FLACC1: variants seen among roughly 807,000 people sequenced by gnomAD.
The protein encoded by FLACC1 is flagellum-associated coiled-coil domain-containing protein 1.
Under a neutral mutation model 62.8 loss-of-function variants are expected in FLACC1, and 66 were observed. The observed-to-expected ratio is 1.05, with a 90% CI of 0.86 to 1.29. The LOEUF (loss-of-function observed/expected upper bound fraction) is 1.29. Ranked by LOEUF, FLACC1 falls within the 50% of genes most tolerant of loss-of-function variation. The pLI, the probability that FLACC1 is intolerant of heterozygous loss-of-function variation, is 0.00. For synonymous variants in FLACC1, 156 were observed against 161.0 expected (o/e 0.97, Z 0.24); for missense variants, 452 against 489.1 (o/e 0.92, Z 0.71).
intron 2 of FLACC1, 48 bp downstream of exon 2, chr2:201,351,244 A>G (rs751797907): frequency 6.8e-7 from 1 of 1,460,578 alleles, no homozygotes; most frequent in Non-Finnish European, 9.5e-7. Flanking sequence ...TGAGGCTACA[A>G]ATGGATCCCA....
chr2:201,321,315 G>C (rs1371926059), intron 9 of FLACC1, among the ~76,000 whole-genome samples: 1 of 152,154 alleles, frequency 6.6e-6, no homozygotes, highest in African/African-American at 2.4e-5. Context: ...CTGATCCTAG[G>C]GGAACAGGGA....
rs866652465 is a variant in FLACC1 at position 201,346,777 on chromosome 2, T to C, written c.235-102A>G. On this transcript the variant is annotated intron_variant, in intron 4 of 14. Coordinates refer to ENST00000392257, the MANE Select transcript of FLACC1 (RefSeq NM_001127391.3). The surrounding 1 kb of genome is among the most constrained non-coding windows in gnomAD (Gnocchi z 4.0). Reference sequence around the variant, plus strand: ...CACTCACATCTTAAAAACAGGGACCTGGGACTCCACAGCCCAAGCCCTTCT... The same window carrying C: ...CACTCACATCTTAAAAACAGGGACCCGGGACTCCACAGCCCAAGCCCTTCT... 5.5e-6 allele frequency: 8 copies of C among 1,461,010 alleles called. No homozygotes were observed. In the Middle Eastern group the frequency reaches 7.1e-4, roughly 129 times the overall value. 90.5% of individuals were successfully genotyped at this position (1,461,010 alleles called of 1,614,324 possible). A position where few individuals can be genotyped will look rare whatever the true frequency, so the allele number is the denominator to read the frequency against.
chr2:201,350,860 C>T (rs1951014713), intron 2 of FLACC1, 78 bp from the exon 3 acceptor site: 1 of 1,318,130 alleles, frequency 7.6e-7, no homozygotes, highest in Non-Finnish European at 1.1e-6. Context: ...AGATTAAGTA[C>T]ATCCCTATAG....
chr2:201,333,625 A>G (rs919787425), intron 7 of FLACC1, among the ~76,000 whole-genome samples: 1 of 137,376 alleles, frequency 7.3e-6, no homozygotes, highest in African/African-American at 2.7e-5. Flanking sequence ...TCGTTGTTCA[A>G]TTCCCACCTA....
chr2:201,329,363 A>C (rs1950549913), intron 9 of FLACC1, among the ~76,000 whole-genome samples: 1 of 152,252 alleles, frequency 6.6e-6, no homozygotes, highest in African/African-American at 2.4e-5. Flanking sequence ...AAATTAGTTC[A>C]TTGCCGGTGG....
chr2:201,347,428 C>G (rs183920109), intron 4 of FLACC1, among the ~76,000 whole-genome samples: 215 of 152,330 alleles, frequency 1.4e-3, no homozygotes, highest in Non-Finnish European at 2.7e-3. Context: ...TTGCTCCCCC[C>G]ACAGTTCATC....
rs534272352 is a variant in FLACC1 at position 201,308,735 on chromosome 2, C to T, written c.775+416G>A. On this transcript the variant is annotated intron_variant, in intron 10 of 14. Coordinates refer to ENST00000392257, the MANE Select transcript of FLACC1 (RefSeq NM_001127391.3). ...GAAGACGTGGGAATATAGAAGCTCT[C>T]AGTATAATGGATTGTGTTGTTCCTA... 7.9e-5 allele frequency among the ~76,000 whole-genome samples: 12 copies of T among 152,292 alleles called. No individual in the cohort carries two copies. In the South Asian group the frequency reaches 1.0e-3, roughly 13 times the overall value.
Position 201,351,550 on chromosome 2 carries a change from G to A in FLACC1, c.-47-99C>T, listed in dbSNP as rs1353614016. Reference sequence around the variant, plus strand: ...ACCCAGGGAGGACCCAAAGAACAATGGTAGATTCCAGAAGCTGTTGATCTG... The same window carrying A: ...ACCCAGGGAGGACCCAAAGAACAATAGTAGATTCCAGAAGCTGTTGATCTG... On this transcript the variant is annotated intron_variant, in intron 1 of 14. Coordinates refer to ENST00000392257, the MANE Select transcript of FLACC1 (RefSeq NM_001127391.3). 9 of 638,218 alleles carry A rather than the reference G, an allele frequency of 1.4e-5. No individual in the cohort carries two copies. The Admixed American group carries it at 2.5e-4, about 18-fold the overall frequency. The allele number at this position is 638,218 out of a possible 1,614,324, so 39.5% of individuals were successfully genotyped here.
intron 12 of FLACC1, among the ~76,000 whole-genome samples, chr2:201,292,400 C>A (rs1949757069): frequency 6.6e-6 from 1 of 152,152 alleles, no homozygotes; most frequent in South Asian, 2.1e-4. Context: ...GAATTTTCAA[C>A]CCAGAATTTC....
At chr2:201,352,787 C>T (rs1055483113) in intron 1 of FLACC1, among the ~76,000 whole-genome samples, 1 of 152,164 alleles carries the variant, frequency 6.6e-6, no homozygotes, top group African/African-American at 2.4e-5. Context: ...TGTTACCTTA[C>T]ATGGCAAAAG....
intron 9 of FLACC1, among the ~76,000 whole-genome samples, chr2:201,311,179 G>A (rs12622439): frequency 0.34 from 50,690 of 150,988 alleles, 10,054 homozygotes; most frequent in East Asian, 0.48. Context: ...AAAAATCCTG[G>A]GACCAGAAAG....
upstream of FLACC1, among the ~76,000 whole-genome samples, chr2:201,358,184 C>T (rs181586886): frequency 8.5e-5 from 13 of 152,252 alleles, no homozygotes; most frequent in African/African-American, 2.9e-4. Context: ...AACTTAGAGA[C>T]CAATGAGAAA....
At chr2:201,340,525 ATT>A (rs1344084608) in intron 7 of FLACC1, among the ~76,000 whole-genome samples, 3 of 152,180 alleles carry the variant, frequency 2.0e-5, no homozygotes, top group Admixed American at 2.0e-4. Context: ...CCTCCCTAAC[ATT>A]TTGTTTTTGA....
At chr2:201,289,955 T>A in intron 12 of FLACC1, 170 bp from the exon 13 acceptor site, 1 of 1,189,404 alleles carries the variant, frequency 8.4e-7, no homozygotes, top group East Asian at 2.4e-5. Flanking sequence ...CCCATCTATA[T>A]CCTTCTCTTC....
upstream of FLACC1, among the ~76,000 whole-genome samples, chr2:201,359,721 AG>A (rs940732366): frequency 2.6e-5 from 4 of 151,938 alleles, no homozygotes; most frequent in Non-Finnish European, 5.9e-5. Context: ...GTGTTGATGG[AG>A]GGAAGCGTCT....
chr2:201,308,364 A>C (rs567161077), intron 10 of FLACC1, among the ~76,000 whole-genome samples: 1 of 152,288 alleles, frequency 6.6e-6, no homozygotes, highest in East Asian at 1.9e-4. Flanking sequence ...CCCCAGCCTT[A>C]ACTCCGGGGT....
upstream of FLACC1, among the ~76,000 whole-genome samples, chr2:201,360,115 A>G (rs1951172457): frequency 6.6e-6 from 1 of 152,184 alleles, no homozygotes; most frequent in South Asian, 2.1e-4. Context: ...ACATGAGTAA[A>G]GCTTCGCCAG....
Position 201,344,408 on chromosome 2 carries a change from G to T in FLACC1, c.369-145C>A. Reference sequence around the variant, plus strand: ...TGCACCTGCTCTATCATTATGGGGTGGGGGTGGAGGGATAGGGGTGGTCTT... The same window carrying T: ...TGCACCTGCTCTATCATTATGGGGTTGGGGTGGAGGGATAGGGGTGGTCTT... On this transcript the variant is annotated intron_variant, in intron 5 of 14. Coordinates refer to ENST00000392257, the MANE Select transcript of FLACC1 (RefSeq NM_001127391.3). 5 of 696,924 alleles carry T rather than the reference G, an allele frequency of 7.2e-6. No homozygotes were observed. In the East Asian group the frequency reaches 8.0e-5, roughly 11 times the overall value. 43.2% of individuals were successfully genotyped at this position (696,924 alleles called of 1,614,324 possible).
chr2:201,310,188 T>G lies in FLACC1; in HGVS notation c.676-938A>C, dbSNP rs982897383. On this transcript the variant is annotated intron_variant, in intron 9 of 14. Transcript: ENST00000392257. Reference sequence around the variant, plus strand: ...CTTATTTTTCAGGTTAGCAGAAGGATTCACACCCGACCTATTCTATTTACC... The same window carrying G: ...CTTATTTTTCAGGTTAGCAGAAGGAGTCACACCCGACCTATTCTATTTACC... Among the ~76,000 whole-genome samples the G allele has an allele frequency of 2.0e-5, 3 of 152,088 alleles. 1 individual carries two copies. Among genetic ancestry groups the G allele is most frequent in the Admixed American group, 2.0e-4 (3 of 15,260 alleles).
Sources: gnomAD v4.1 joint callset for allele counts (sites outside exome capture counted in the v4.1 genomes callset) on GRCh38, gnomAD v4.1.1 for gene constraint, Gnocchi (gnomAD v3.1) non-coding constraint, MANE v1.5 for transcripts, NCBI Gene and HGNC (gene_info 2026-07-23, HGNC 2026-07-21) for gene names.